Variants in GSAP observed in about 807,000 individuals in gnomAD.
The protein encoded by GSAP is gamma-secretase activating protein.
A neutral mutation model predicts 131.7 loss-of-function variants in GSAP; 118 were observed. The ratio of observed to expected loss-of-function variants is 0.90; its 90% confidence interval spans 0.77 to 1.04. The LOEUF (loss-of-function observed/expected upper bound fraction) is 1.04, where lower values mean the gene tolerates loss of function less well. Ranked by LOEUF, GSAP falls within the 50% of genes least tolerant of loss-of-function variation. The pLI is 0.00. For synonymous variants in GSAP, 381 were observed against 363.4 expected (o/e 1.05, Z -0.55); for missense variants, 1,019 against 1,013.2 (o/e 1.01, Z -0.08).
intron 12 of GSAP, among the ~76,000 whole-genome samples, chr7:77,365,895 T>TG (rs1228357499): frequency 2.2e-5 from 3 of 135,552 alleles, no homozygotes; most frequent in African/African-American, 5.5e-5. Context: ...CCAGCAACTG[T>TG]GGGTTTTTTT....
chr7:77,351,147 A>G lies in GSAP; in HGVS notation c.1492-1743T>C, dbSNP rs6944502. The G allele has an allele frequency of 8.5e-4, 833 of 980,032 alleles. 4 individuals are homozygous for G. In the African/African-American group the frequency reaches 9.6e-3, roughly 11 times the overall value. The allele number at this position is 980,032 out of a possible 1,614,324, so 60.7% of individuals were successfully genotyped here. The stretch of plus-strand genomic sequence containing the variant: ...AATAAGTTTTCAGAACATGCAAACA[A>G]CTAAGTTCTTCAATGTGACAGTTGA... On this transcript the variant is annotated intron_variant, in intron 18 of 30. Coordinates refer to ENST00000257626, the MANE Select transcript of GSAP (RefSeq NM_017439.4).
rs1323990163 is a variant in GSAP at position 77,311,411 on chromosome 7, C to A, written c.2512G>T (p.Glu838Ter). 1 of 1,612,740 alleles carries A rather than the reference C, an allele frequency of 6.2e-7. No individual in the cohort carries two copies. Among genetic ancestry groups the A allele is most frequent in the Admixed American group, 1.7e-5 (1 of 60,016 alleles). The stretch of plus-strand genomic sequence containing the variant: ...TTCAGAGCTGCTTCCTCTACAAATT[C>A]TGCATCCACATTGTCATGTCCTTCA... ...PFEGHDNVDAEFVEEAALKHT... is the reference protein window; with the variant it reads ...PFEGHDNVDA Residue 838 changes from glutamate to a stop codon, truncating the protein, a stop_gained, in exon 31 of 31, where the codon GAA becomes TAA. Coordinates refer to ENST00000257626, the MANE Select transcript of GSAP (RefSeq NM_017439.4). LOFTEE classifies it high-confidence loss of function.
At chr7:77,377,567 A>ATCCCATT (rs1440098287) in intron 8 of GSAP, among the ~76,000 whole-genome samples, 177 bp from the exon 9 acceptor site, 1 of 152,202 alleles carries the variant, frequency 6.6e-6, no homozygotes, top group African/African-American at 2.4e-5. Flanking sequence ...AAATGTTTTA[A>ATCCCATT]GACATAATTT....
intron 19 of GSAP, among the ~76,000 whole-genome samples, chr7:77,334,672 G>A (rs2150713787): frequency 6.8e-6 from 1 of 147,232 alleles, no homozygotes; most frequent in South Asian, 2.2e-4. Context: ...AGCAAATACT[G>A]TACTCATCAG....
chr7:77,380,723 A>G (rs559579251), intron 8 of GSAP, among the ~76,000 whole-genome samples: 47 of 152,156 alleles, frequency 3.1e-4, no homozygotes, highest in Non-Finnish European at 6.0e-4. Context: ...AAAAAAGTAC[A>G]TGTGGAAAAC....
At chr7:77,409,673 A>AT (rs976189893) in intron 1 of GSAP, among the ~76,000 whole-genome samples, 2 of 152,070 alleles carry the variant, frequency 1.3e-5, no homozygotes, top group Non-Finnish European at 2.9e-5. Flanking sequence ...TTTGAGAAGT[A>AT]TTTTTTTTCT....
At chr7:77,383,954 T>C (rs990231692) in intron 6 of GSAP, among the ~76,000 whole-genome samples, 1 of 152,228 alleles carries the variant, frequency 6.6e-6, no homozygotes, top group Non-Finnish European at 1.5e-5. Context: ...AGTTCCCTTT[T>C]AGAAATGAAA....
intron 3 of GSAP, among the ~76,000 whole-genome samples, chr7:77,398,870 C>T (rs1800858853): frequency 6.6e-6 from 1 of 152,184 alleles, no homozygotes. Context: ...TATTTATGCA[C>T]TTATATTACA....
intron 18 of GSAP, among the ~76,000 whole-genome samples, chr7:77,349,917 G>GC (rs997937782): frequency 6.6e-6 from 1 of 152,046 alleles, no homozygotes; most frequent in African/African-American, 2.4e-5. Context: ...AGAGGTAGGA[G>GC]CCCCCCATAC....
rs1053969810 is a variant in GSAP, at chr7:77,355,104, T to C, written c.1338+109A>G. On this transcript the variant is annotated intron_variant, in intron 16 of 30. Coordinates refer to ENST00000257626, the MANE Select transcript of GSAP (RefSeq NM_017439.4). ...GATGTCAGCAGCAAGGCCACACACC[T>C]CAATTAATTGTTACTAAATAAAAAT... is the stretch of plus-strand genomic sequence containing the variant. 9.9e-6 allele frequency: 7 copies of C among 704,858 alleles called. No individual in the cohort carries two copies. In the African/African-American group the frequency reaches 1.3e-4, roughly 13 times the overall value. The allele number at this position is 704,858 out of a possible 1,614,324, so 43.7% of individuals were successfully genotyped here. A position where few individuals can be genotyped will look rare whatever the true frequency, so the allele number is the denominator to read the frequency against.
chr7:77,399,713 C>T (rs575523462), intron 3 of GSAP, among the ~76,000 whole-genome samples: 10 of 144,460 alleles, frequency 6.9e-5, no homozygotes, highest in South Asian at 2.2e-4. Flanking sequence ...TGGGGGGGGG[C>T]GGGGCAAAGT....
At chr7:77,411,954 C>G (rs61438473) in intron 1 of GSAP, among the ~76,000 whole-genome samples, 5,115 of 152,106 alleles carry the variant, frequency 0.034, 294 homozygotes, top group African/African-American at 0.12. Context: ...CGAGGTAGGC[C>G]GATCACCTGA....
chr7:77,323,707 G>C lies in GSAP; in HGVS notation c.1863C>G (p.His621Gln). ...VSELKDHFLR[H>Q]LQGVEKKKIE... ...TTTTCTTCTTTTCTACACCCTGTAG[G>C]TGTCTCAAAAAATGGTCTTTTAGCT... is the stretch of plus-strand genomic sequence containing the variant. Residue 621 changes from histidine to glutamine, a missense_variant, in exon 24 of 31, where the codon CAC becomes CAG. Coordinates refer to ENST00000257626, the MANE Select transcript of GSAP (RefSeq NM_017439.4). 1 of 1,604,374 alleles carries C rather than the reference G, an allele frequency of 6.2e-7. No homozygotes were observed. The highest frequency in any genetic ancestry group is 8.5e-7 in the Non-Finnish European group (1 of 1,172,658).
Position 77,320,713 on chromosome 7 carries a change from G to T in GSAP, c.2089+12C>A. ...ATTTATTATACCAAAGGACAAAAGA[G>T]CCAACACTTACCAGGAGGCAGAGGT... On this transcript the variant is annotated intron_variant, in intron 26 of 30. Transcript: ENST00000257626. 3 of 1,475,768 alleles carry T rather than the reference G, an allele frequency of 2.0e-6. No homozygotes were observed. The highest frequency in any genetic ancestry group is 1.4e-5 in the African/African-American group (1 of 72,490). The allele number at this position is 1,475,768 out of a possible 1,614,324, so 91.4% of individuals were successfully genotyped here. A position where few individuals can be genotyped will look rare whatever the true frequency, so the allele number is the denominator to read the frequency against.
intron 19 of GSAP, among the ~76,000 whole-genome samples, chr7:77,336,980 CT>C (rs1434728544): frequency 1.1e-4 from 16 of 152,204 alleles, no homozygotes; most frequent in African/African-American, 3.6e-4. Context: ...GATGCTACAT[CT>C]TTGTCAAAGC....
At chr7:77,348,706 T>A (rs1384681149) in intron 19 of GSAP, among the ~76,000 whole-genome samples, 1 of 152,124 alleles carries the variant, frequency 6.6e-6, no homozygotes, top group Admixed American at 6.6e-5. Context: ...TACATACATA[T>A]CCTTTTCTAC....
intron 19 of GSAP, among the ~76,000 whole-genome samples, chr7:77,347,998 A>AG (rs1337486478): frequency 6.7e-6 from 1 of 149,874 alleles, no homozygotes; most frequent in Admixed American, 6.6e-5. Context: ...AAAAAAAAAA[A>AG]AAAATAAGAA....
Position 77,404,598 on chromosome 7 carries a change from GAC to G in GSAP, c.202_203del (p.Val68ArgfsTer6). The part of the protein sequence containing the change: ...IYTYKDDKGN[V>X]VFGLYDCQTR... ...TTTGACAATCATATAATCCAAAGAC[GAC>G]ATTTCCCTTATCATCCTAAAAAAAA... On this transcript the variant is annotated frameshift_variant, in exon 3 of 31. Transcript: ENST00000257626. LOFTEE classifies it high-confidence loss of function. 1 of 1,550,084 alleles carries G rather than the reference GAC, an allele frequency of 6.5e-7. No homozygotes were observed. The highest frequency in any genetic ancestry group is 8.9e-7 in the Non-Finnish European group (1 of 1,124,254).
In GSAP at chr7:77,372,319, C is replaced by T. The variant is rs532363776; in HGVS notation, c.871+1751G>A. On this transcript the variant is annotated intron_variant, in intron 12 of 30. Transcript: ENST00000257626. Reference sequence around the variant, plus strand: ...TAATGCAAGACTATGAAGATTTAAACGGCCAAATGTAATGTATGAATCTTG... The same window carrying T: ...TAATGCAAGACTATGAAGATTTAAATGGCCAAATGTAATGTATGAATCTTG... Among the ~76,000 whole-genome samples, 21 of 152,192 alleles carry T rather than the reference C, an allele frequency of 1.4e-4. No individual in the cohort carries two copies. The South Asian group carries it at 3.1e-3, about 23-fold the overall frequency.
Sources: gnomAD v4.1 joint callset for allele counts (sites outside exome capture counted in the v4.1 genomes callset) on GRCh38, gnomAD v4.1.1 for gene constraint, MANE v1.5 for transcripts, NCBI Gene and HGNC (gene_info 2026-07-23, HGNC 2026-07-21) for gene names.